CDH13: variants seen among roughly 807,000 people sequenced by gnomAD.
The protein encoded by CDH13 is cadherin 13, also known as cadherin-13.
CDH13 carries 24 observed loss-of-function variants against 63.8 expected under a neutral mutation model. That is an observed-to-expected ratio of 0.38 (90% CI 0.27 to 0.53). CDH13 has a LOEUF of 0.53. Ranked by LOEUF, CDH13 falls within the 20% of genes least tolerant of loss-of-function variation. CDH13 has a pLI of 0.85. For synonymous variants in CDH13, 503 were observed against 355.3 expected, an observed-to-expected ratio of 1.42 and a Z score of -4.67; for missense variants, 1,049 against 903.1, an observed-to-expected ratio of 1.16 and a Z score of -2.07.
intron 3 of CDH13, among the ~76,000 whole-genome samples, chr16:83,076,488 C>T (rs1004512805): frequency 4.6e-5 from 7 of 152,084 alleles, no homozygotes; most frequent in African/African-American, 1.7e-4. Context: ...ATTTCTGAAC[C>T]GTGACGTTTC....
chr16:83,667,833 A>ATT (rs558724334), intron 8 of CDH13, among the ~76,000 whole-genome samples: 1 of 149,846 alleles, frequency 6.7e-6, no homozygotes, highest in African/African-American at 2.5e-5. Context: ...AATTTTTTAC[A>ATT]TTTTTTTTTA....
chr16:83,521,602 A>G (rs1264138210), intron 7 of CDH13, among the ~76,000 whole-genome samples: 4 of 152,236 alleles, frequency 2.6e-5, no homozygotes, highest in African/African-American at 9.6e-5. Context: ...AAGTCTTAGA[A>G]ATATTGATGT....
At chr16:82,808,977 C>T (rs901533310) in intron 1 of CDH13, among the ~76,000 whole-genome samples, 2 of 152,014 alleles carry the variant, frequency 1.3e-5, no homozygotes, top group African/African-American at 4.8e-5. Flanking sequence ...AAGCATGTAT[C>T]TGTAGATATG....
At chr16:83,242,455 T>G (rs1259380256) in intron 5 of CDH13, among the ~76,000 whole-genome samples, 1 of 152,206 alleles carries the variant, frequency 6.6e-6, no homozygotes, top group Non-Finnish European at 1.5e-5. Flanking sequence ...CCAAATTGTC[T>G]GAGTTGCAGC....
At chr16:83,064,091 C>G (rs74030384) in intron 3 of CDH13, among the ~76,000 whole-genome samples, 4 of 152,126 alleles carry the variant, frequency 2.6e-5, no homozygotes, top group African/African-American at 9.7e-5. Context: ...TAGATGAGGG[C>G]CAGGTGCGGT....
At chr16:82,885,709 G>A (rs1214705491) in intron 2 of CDH13, among the ~76,000 whole-genome samples, 1 of 152,118 alleles carries the variant, frequency 6.6e-6, no homozygotes. Flanking sequence ...ACAAGCACAA[G>A]ATCTTCAGTG....
chr16:82,711,195 G>T (rs1213790138), intron 1 of CDH13, among the ~76,000 whole-genome samples: 1 of 152,120 alleles, frequency 6.6e-6, no homozygotes, highest in Non-Finnish European at 1.5e-5. Context: ...TAATGACTAT[G>T]AGGGACACAC....
intron 1 of CDH13, among the ~76,000 whole-genome samples, chr16:82,673,216 G>T (rs1376619006): frequency 1.3e-5 from 2 of 151,880 alleles, no homozygotes; most frequent in African/African-American, 2.4e-5. Flanking sequence ...GGTAGATGCA[G>T]GTGTTTGATT....
chr16:83,516,994 T>G (rs900735874), intron 7 of CDH13, among the ~76,000 whole-genome samples: 2 of 152,160 alleles, frequency 1.3e-5, no homozygotes, highest in Non-Finnish European at 2.9e-5. Flanking sequence ...TGTAAGAAAT[T>G]GCTGGTGTAG....
At chr16:82,884,161 C>CTCTTTCTTTCCTTA (rs1567628721) in intron 2 of CDH13, 1 of 455,226 alleles carries the variant, frequency 2.2e-6, no homozygotes. Flanking sequence ...TTTCCTTATG[C>CTCTTTCTTTCCTTA]TGTTTCTTTC....
At chr16:83,723,180 G>A (rs1007687543) in intron 10 of CDH13, among the ~76,000 whole-genome samples, 4 of 152,236 alleles carry the variant, frequency 2.6e-5, no homozygotes, top group African/African-American at 7.2e-5. Flanking sequence ...CTTTCACTTG[G>A]CAGAAGGATT....
chr16:83,504,663 G>C (rs571545114), intron 7 of CDH13, among the ~76,000 whole-genome samples: 15 of 152,326 alleles, frequency 9.8e-5, no homozygotes, highest in African/African-American at 3.4e-4. Context: ...GGTAGCGGGA[G>C]ATAACAGCCT....
intron 11 of CDH13, among the ~76,000 whole-genome samples, chr16:83,756,400 G>T (rs415495): frequency 0.26 from 39,174 of 152,132 alleles, 5,744 homozygotes; most frequent in Non-Finnish European, 0.33. Flanking sequence ...AATATACCTT[G>T]ATAGTACAGT....
intron 5 of CDH13, among the ~76,000 whole-genome samples, chr16:83,246,744 G>C (rs914268969): frequency 1.3e-5 from 2 of 152,158 alleles, no homozygotes; most frequent in Non-Finnish European, 2.9e-5. Flanking sequence ...GAAGCTTAAA[G>C]CTGGATCTAA....
At chr16:83,427,948 C>T (rs1873143) in intron 6 of CDH13, among the ~76,000 whole-genome samples, 29,764 of 152,212 alleles carry the variant, frequency 0.2, 3,463 homozygotes, top group East Asian at 0.49. Flanking sequence ...TGTCACCTCA[C>T]TTGTGAATGG....
At chr16:83,028,582 G>T (rs528341908) in intron 2 of CDH13, among the ~76,000 whole-genome samples, 1 of 152,288 alleles carries the variant, frequency 6.6e-6, no homozygotes, top group African/African-American at 2.4e-5. Context: ...ACCTCAGTCC[G>T]TGGATACTAC....
At chr16:83,126,072 C>A (rs935935257) in intron 4 of CDH13, among the ~76,000 whole-genome samples, 1 of 152,200 alleles carries the variant, frequency 6.6e-6, no homozygotes, top group African/African-American at 2.4e-5. Context: ...AGTACATTCT[C>A]CCCTCTTTAA....
intron 1 of CDH13, among the ~76,000 whole-genome samples, chr16:82,813,975 C>G (rs1474460325): frequency 6.6e-6 from 1 of 152,098 alleles, no homozygotes; most frequent in Non-Finnish European, 1.5e-5. Context: ...CCCATCTATT[C>G]AGCACATACT....
At chr16:83,785,961 T>G (rs1915852853) in intron 13 of CDH13, among the ~76,000 whole-genome samples, 1 of 152,066 alleles carries the variant, frequency 6.6e-6, no homozygotes, top group East Asian at 1.9e-4. Flanking sequence ...GTTCCTTCGG[T>G]TCACAACTCA....
Sources: allele counts gnomAD v4.1 joint callset (sites outside exome capture counted in the v4.1 genomes callset), GRCh38; gene constraint gnomAD v4.1.1; transcripts MANE v1.5; gene names NCBI Gene and HGNC (gene_info 2026-07-23, HGNC 2026-07-21).